Variants in ANK2 observed in about 807,000 individuals in gnomAD.
ANK2 encodes the protein ankyrin-2.
Under a neutral mutation model 360.5 loss-of-function variants are expected in ANK2, and 83 were observed. The ratio of observed to expected loss-of-function variants is 0.23; its 90% CI spans 0.19 to 0.28. ANK2 has a LOEUF of 0.28. Ranked by LOEUF, ANK2 falls within the 10% of genes least tolerant of loss-of-function variation. The pLI, the probability that ANK2 is intolerant of heterozygous loss-of-function variation, is 1.00. For synonymous variants in ANK2, 1,740 were observed against 1,759.5 expected, an observed-to-expected ratio of 0.99 and a Z score of 0.28; for missense variants, 4,201 against 4,795.7, an observed-to-expected ratio of 0.88 and a Z score of 3.66.
intron 4 of ANK2, among the ~76,000 whole-genome samples, chr4:113,230,630 A>G (rs915560132): frequency 4.6e-5 from 7 of 152,228 alleles, no homozygotes; most frequent in African/African-American, 1.7e-4. Context: ...TCTATGTTTA[A>G]GGTCTGACAT....
intron 1 of ANK2, among the ~76,000 whole-genome samples, 177 bp from the exon 2 acceptor site, chr4:113,174,239 T>C (rs979609415): frequency 2.6e-5 from 4 of 152,182 alleles, no homozygotes; most frequent in Non-Finnish European, 5.9e-5. Context: ...TCTCTAGAAA[T>C]ATTGTGAAGT....
intron 1 of ANK2, among the ~76,000 whole-genome samples, chr4:113,158,992 A>T (rs2097406124): frequency 6.6e-6 from 1 of 152,166 alleles, no homozygotes; most frequent in African/African-American, 2.4e-5. Context: ...TCAGCTTTAC[A>T]TAAAAAAAGG....
intron 1 of ANK2, among the ~76,000 whole-genome samples, chr4:112,824,528 G>A (rs1294725056): frequency 7.0e-5 from 10 of 143,570 alleles, no homozygotes; most frequent in Middle Eastern, 4.4e-3. Context: ...TTTTTTAGAC[G>A]GAGTCTTGCT....
In ANK2 at chr4:113,358,544, T is replaced by C. The variant is rs1430897546; in HGVS notation, c.9926T>C (p.Met3309Thr). ...ESKSKIPVRT[M>T]PTSTPAPPSA... Reference sequence around the variant, plus strand: ...AAATCCAAAATTCCTGTAAGGACTATGCCCACTTCCACCCCAGCACCTCCA... The same window carrying C: ...AAATCCAAAATTCCTGTAAGGACTACGCCCACTTCCACCCCAGCACCTCCA... The change falls in exon 38 of 46, where the codon ATG (methionine) becomes ACG (threonine). Residue 3309 changes from methionine to threonine, a missense_variant. This residue lies in a region of ANK2 where 2,642 missense variants were observed against 2,714.5 expected (regional missense o/e 0.97). Coordinates refer to ENST00000357077, the MANE Select transcript of ANK2 (RefSeq NM_001148.6). 6.2e-7 allele frequency: 1 copy of C among 1,613,968 alleles called. No homozygotes were observed. The highest frequency in any genetic ancestry group is 8.5e-7 in the Non-Finnish European group (1 of 1,179,970).
the ANK2 span, among the ~76,000 whole-genome samples, chr4:112,802,442 C>A: frequency 6.6e-6 from 1 of 152,132 alleles, no homozygotes; most frequent in African/African-American, 2.4e-5. Flanking sequence ...CAGCATAATG[C>A]TTGCTCCTTC....
At chr4:113,092,329 T>A (rs1418066327) in intron 1 of ANK2, among the ~76,000 whole-genome samples, 3 of 152,190 alleles carry the variant, frequency 2.0e-5, no homozygotes, top group Admixed American at 6.5e-5. Context: ...CTGAACCATA[T>A]AAACACAAGG....
At chr4:113,378,509 G>C (rs981845815) in intron 45 of ANK2, among the ~76,000 whole-genome samples, 1 of 152,166 alleles carries the variant, frequency 6.6e-6, no homozygotes, top group Non-Finnish European at 1.5e-5. Context: ...AGAGAGCATA[G>C]GAAGAAGAAT....
the ANK2 span, among the ~76,000 whole-genome samples, chr4:112,810,814 G>A: frequency 5.3e-5 from 8 of 152,252 alleles, no homozygotes; most frequent in East Asian, 1.2e-3. Flanking sequence ...GCTTCCCAAA[G>A]TGCTGGGATT....
At chr4:113,349,334 T>C (rs1220315364) in intron 36 of ANK2, among the ~76,000 whole-genome samples, 3 of 152,200 alleles carry the variant, frequency 2.0e-5, no homozygotes, top group Non-Finnish European at 2.9e-5. Context: ...TTATTAGTTA[T>C]ATGTAAATGT....
intron 22 of ANK2, among the ~76,000 whole-genome samples, chr4:113,301,308 CTTTTA>C (rs1228368800): frequency 1.3e-5 from 2 of 151,012 alleles, no homozygotes; most frequent in African/African-American, 2.4e-5. Flanking sequence ...GTACACATAT[CTTTTA>C]TTTATTTATT....
At chr4:112,938,587 T>C in intron 2 of ANK2, among the ~76,000 whole-genome samples, 1 of 152,200 alleles carries the variant, frequency 6.6e-6, no homozygotes, top group East Asian at 1.9e-4. Context: ...ATGGCAAAAT[T>C]AAAGCAAACA....
intron 2 of ANK2, among the ~76,000 whole-genome samples, chr4:112,953,061 A>G (rs1436748480): frequency 6.6e-6 from 1 of 152,234 alleles, no homozygotes; most frequent in Non-Finnish European, 1.5e-5. Flanking sequence ...GAAACATACC[A>G]TAAATCTCCA....
intron 1 of ANK2, among the ~76,000 whole-genome samples, chr4:113,155,186 T>C (rs1407057135): frequency 1.3e-5 from 2 of 152,246 alleles, no homozygotes; most frequent in South Asian, 4.1e-4. Flanking sequence ...ATTAGCTTTG[T>C]GAACCGAGTA....
intron 1 of ANK2, among the ~76,000 whole-genome samples, chr4:112,871,188 G>A (rs2072870907): frequency 6.9e-6 from 1 of 144,720 alleles, no homozygotes; most frequent in South Asian, 2.2e-4. Flanking sequence ...TTAGCTTTTA[G>A]TTTTTTTTTT....
At chr4:113,294,969 G>A (rs188068501) in intron 22 of ANK2, among the ~76,000 whole-genome samples, 6 of 152,246 alleles carry the variant, frequency 3.9e-5, no homozygotes, top group Middle Eastern at 3.4e-3. Context: ...AATACGTGAA[G>A]CCTTTAGTGG....
chr4:113,326,493 T>C (rs2090012419), intron 26 of ANK2, among the ~76,000 whole-genome samples: 1 of 152,224 alleles, frequency 6.6e-6, no homozygotes, highest in South Asian at 2.1e-4. Context: ...TGCTAGATTT[T>C]ATAAACAGTT....
At chr4:113,013,370 A>G (rs1304407575) in intron 2 of ANK2, among the ~76,000 whole-genome samples, 4 of 152,148 alleles carry the variant, frequency 2.6e-5, no homozygotes, top group Non-Finnish European at 5.9e-5. Flanking sequence ...ATCATTTCAT[A>G]TTTCTGTCAC....
chr4:113,179,684 A>G (rs2153233345), intron 2 of ANK2, among the ~76,000 whole-genome samples: 1 of 152,308 alleles, frequency 6.6e-6, no homozygotes, highest in South Asian at 2.1e-4. Flanking sequence ...TTATTTCTGA[A>G]ACTCATAAAG....
At chr4:113,299,192 T>C (rs937603820) in intron 22 of ANK2, among the ~76,000 whole-genome samples, 1 of 152,148 alleles carries the variant, frequency 6.6e-6, no homozygotes, top group South Asian at 2.1e-4. Flanking sequence ...GAAAATATAG[T>C]CCCATTATCA....
Sources: gnomAD v4.1 joint callset for allele counts (sites outside exome capture counted in the v4.1 genomes callset) on GRCh38, gnomAD v4.1.1 for gene constraint, gnomAD v4.1.1 regional missense constraint, MANE v1.5 for transcripts, NCBI Gene and HGNC (gene_info 2026-07-23, HGNC 2026-07-21) for gene names.